RBM41: variants seen among roughly 807,000 people sequenced by gnomAD.
The protein encoded by RBM41 is RNA binding motif protein 41.
Under a neutral mutation model 30.8 loss-of-function variants are expected in RBM41, and 14 were observed. The observed-to-expected ratio is 0.45, with a 90% CI of 0.30 to 0.71. RBM41 has a LOEUF of 0.71. Ranked by LOEUF, RBM41 falls within the 30% of genes least tolerant of loss-of-function variation. The pLI is 0.08. For missense variants in RBM41, 276 were observed against 326.3 expected (o/e 0.85, Z 1.19); for synonymous variants, 120 against 110.1 (o/e 1.09, Z -0.56).
rs1313271166 is a variant in RBM41 at position 107,065,059 on chromosome X, T to A, written c.*2468A>T. The A allele has an allele frequency of 8.9e-6, 1 of 111,921 alleles. No individual in the cohort carries two copies. The highest frequency in any genetic ancestry group is 1.9e-5 in the Non-Finnish European group (1 of 53,181). 9.2% of individuals were successfully genotyped at this position (111,921 alleles called of 1,213,427 possible). A position where few individuals can be genotyped will look rare whatever the true frequency, so the allele number is the denominator to read the frequency against. ...GTAACATTTTTTTAAGTCTATTTTG[T>A]CTGGTATTAGAATAGCCACTCCAGC... On this transcript the variant is annotated 3_prime_UTR_variant, in exon 8 of 8. Transcript: ENST00000685964.
At chrX:107,082,070 AAAGGGGACATTTTTG>A (rs1921571986) in intron 6 of RBM41, among the ~76,000 whole-genome samples, 5 of 111,601 alleles carry the variant, frequency 4.5e-5, no homozygotes, top group African/African-American at 1.6e-4. Context: ...AGAAGTGGGG[AAAGGGGACATTTTTG>A]CCTTATTTCT....
At chrX:107,113,267 GATA>G (rs951622135) in intron 5 of RBM41, 127 bp downstream of exon 5, 1 of 789,239 alleles carries the variant, frequency 1.3e-6, no homozygotes, top group African/African-American at 2.2e-5. Context: ...TCTGTATCAG[GATA>G]ATATGCTCCC....
chrX:107,104,970 C>A lies in RBM41; in HGVS notation c.595+8427G>T, dbSNP rs775513461. 4.1e-3 allele frequency among the ~76,000 whole-genome samples: 452 copies of A among 110,306 alleles called. 3 individuals carry two copies. Among genetic ancestry groups the A allele is most frequent in the Middle Eastern group, 0.033 (7 of 215 alleles). On this transcript the variant is annotated intron_variant, in intron 5 of 7. Transcript: ENST00000685964. ...TGAAAACTGGCACAAGACAGGGATG[C>A]CCTCTCTCACCACTCCTATTCAACA... is the stretch of plus-strand genomic sequence containing the variant.
rs371265239 is a variant in RBM41, at chrX:107,111,060, C to T, written c.595+2337G>A. Among the ~76,000 whole-genome samples, 11 of 111,102 alleles carry T rather than the reference C, an allele frequency of 9.9e-5. No homozygotes were observed. In the East Asian group the frequency reaches 2.0e-3, roughly 20 times the overall value. On this transcript the variant is annotated intron_variant, in intron 5 of 7. Coordinates refer to ENST00000685964, the MANE Select transcript of RBM41 (RefSeq NM_001324242.2). ...AGAAAAAAATCAACAAATTGGACTT[C>T]ATCGAAATTAAACACTTTGTGCATC... is the stretch of plus-strand genomic sequence containing the variant.
At chrX:107,089,555 A>C (rs994453995) in intron 5 of RBM41, among the ~76,000 whole-genome samples, 4 of 112,367 alleles carry the variant, frequency 3.6e-5, no homozygotes, top group African/African-American at 1.3e-4. Flanking sequence ...CGACAGTCAC[A>C]TGTGGCTAGT....
At chrX:107,083,173 T>C (rs1174446419) in intron 6 of RBM41, among the ~76,000 whole-genome samples, 1 of 56,130 alleles carries the variant, frequency 1.8e-5, no homozygotes, top group Admixed American at 2.0e-4. Flanking sequence ...TTTTGAAGGA[T>C]TTTTTTTTTT....
Position 107,065,469 on chromosome X carries a change from C to A in RBM41, c.*2058G>T. The A allele has an allele frequency of 5.1e-6, 1 of 194,271 alleles. No homozygotes were observed. The highest frequency in any genetic ancestry group is 9.4e-6 in the Non-Finnish European group (1 of 106,816). The allele number at this position is 194,271 out of a possible 1,213,427, so 16.0% of individuals were successfully genotyped here. A position where few individuals can be genotyped will look rare whatever the true frequency, so the allele number is the denominator to read the frequency against. On this transcript the variant is annotated 3_prime_UTR_variant, in exon 8 of 8. Transcript: ENST00000685964. ...GCTTCAGATAAACACTAACTTAATT[C>A]CAATGTAACAACCCTATTCCTATAT...
rs1030073477 is a variant in RBM41 at position 107,097,425 on chromosome X, G to A, written c.596-8586C>T. Among the ~76,000 whole-genome samples the A allele has an allele frequency of 3.6e-5, 4 of 111,478 alleles. 1 individual carries two copies. The highest frequency in any genetic ancestry group is 6.5e-5 in the African/African-American group (2 of 30,707). On this transcript the variant is annotated intron_variant, in intron 5 of 7. Coordinates refer to ENST00000685964, the MANE Select transcript of RBM41 (RefSeq NM_001324242.2). ...TGTCAAGGGAGGGACTTAGTGGGACGTGACTGGATCATGGGGGCGGTTTCC... is the reference window on the plus strand; with the variant it reads ...TGTCAAGGGAGGGACTTAGTGGGACATGACTGGATCATGGGGGCGGTTTCC...
chrX:107,075,527 C>T (rs750132154), intron 6 of RBM41, among the ~76,000 whole-genome samples: 1 of 111,778 alleles, frequency 8.9e-6, no homozygotes, highest in Admixed American at 9.5e-5. Flanking sequence ...ATATAAGGAA[C>T]TCTACAACTT....
intron 6 of RBM41, among the ~76,000 whole-genome samples, chrX:107,078,109 G>A (rs1396265463): frequency 9.0e-6 from 1 of 111,539 alleles, no homozygotes; most frequent in Non-Finnish European, 1.9e-5. Context: ...AACCACACAG[G>A]AGAAGTACAG....
chrX:107,097,514 A>G, intron 5 of RBM41, among the ~76,000 whole-genome samples: 1 of 110,969 alleles, frequency 9.0e-6, no homozygotes, highest in East Asian at 2.8e-4. Context: ...TACATGTTTG[A>G]CAGTTCCTCC....
chrX:107,070,335 C>T (rs1160162622), intron 6 of RBM41: 1 of 331,182 alleles, frequency 3.0e-6, no homozygotes, highest in South Asian at 2.6e-5. Context: ...TGAGGTCCTC[C>T]CAGTCCTTTT....
At chrX:107,089,843 TA>T (rs1328790169) in intron 5 of RBM41, among the ~76,000 whole-genome samples, 2 of 111,710 alleles carry the variant, frequency 1.8e-5, no homozygotes, top group Non-Finnish European at 3.8e-5. Flanking sequence ...ACCTTCCACC[TA>T]ATGGGTTTTT....
In RBM41 at chrX:107,066,709, A is replaced by G; in HGVS notation, c.*818T>C. 1.3e-6 allele frequency: 1 copy of G among 753,427 alleles called. No individual in the cohort carries two copies. The highest frequency in any genetic ancestry group is 1.6e-6 in the Non-Finnish European group (1 of 638,521). 62.1% of individuals were successfully genotyped at this position (753,427 alleles called of 1,213,427 possible). ...TTTTATTTTCCAGCAACCATAAACA[A>G]ACAACTGGGGGATTTGTGACTGGCA... On this transcript the variant is annotated 3_prime_UTR_variant, in exon 8 of 8. Transcript: ENST00000685964.
the RBM41 span, among the ~76,000 whole-genome samples, chrX:107,053,815 G>C: frequency 8.9e-6 from 1 of 111,856 alleles, no homozygotes; most frequent in Non-Finnish European, 1.9e-5. Context: ...GGTGAAGTAA[G>C]TCCAACAGAC....
intron 6 of RBM41, among the ~76,000 whole-genome samples, chrX:107,077,597 CACACACACACACAGAT>C (rs1921094022): frequency 9.1e-6 from 1 of 109,734 alleles, no homozygotes; most frequent in South Asian, 4.0e-4. Context: ...CACACACACA[CACACACACACACAGAT>C]AAAGCTAGGT....
Position 107,065,851 on chromosome X carries a change from T to C in RBM41, c.*1676A>G, listed in dbSNP as rs1269310632. 2.2e-6 allele frequency: 2 copies of C among 926,413 alleles called. No individual in the cohort carries two copies. Among genetic ancestry groups the C allele is most frequent in the Non-Finnish European group, 1.4e-6 (1 of 711,899 alleles). The allele number at this position is 926,413 out of a possible 1,213,427, so 76.3% of individuals were successfully genotyped here. ...TTTATACAACTGTGTTTTACATTAG[T>C]TAAGAGAAAAAAGAAAAATGCATAG... On this transcript the variant is annotated 3_prime_UTR_variant, in exon 8 of 8. Transcript: ENST00000685964.
intron 5 of RBM41, 124 bp downstream of exon 5, chrX:107,113,273 A>G: frequency 1.2e-6 from 1 of 821,883 alleles, no homozygotes; most frequent in Non-Finnish European, 1.6e-6. Flanking sequence ...TCAGGATAAT[A>G]TGCTCCCTCT....
At chrX:107,073,615 C>T (rs1348226639) in intron 6 of RBM41, among the ~76,000 whole-genome samples, 8 of 111,557 alleles carry the variant, frequency 7.2e-5, no homozygotes, top group African/African-American at 2.3e-4. Flanking sequence ...AACTACCATA[C>T]GATCCAGCAA....
Sources: gnomAD v4.1 joint callset for allele counts (sites outside exome capture counted in the v4.1 genomes callset) on GRCh38, gnomAD v4.1.1 for gene constraint, MANE v1.5 for transcripts, NCBI Gene and HGNC (gene_info 2026-07-23, HGNC 2026-07-21) for gene names.